NLRP7: variants seen among roughly 807,000 people sequenced by gnomAD.
NLRP7 encodes the protein NLR family pyrin domain containing 7.
NLRP7 carries 72 observed loss-of-function variants against 85.5 expected under a neutral mutation model. That is an observed-to-expected ratio of 0.84 (90% CI 0.70 to 1.02). The LOEUF (loss-of-function observed/expected upper bound fraction) is 1.02. NLRP7 is among the 50% of genes least tolerant of loss of function. The probability of loss-of-function intolerance (pLI) is 0.00; values close to 1 mark genes in which losing one functional copy is unlikely to be tolerated. For synonymous variants in NLRP7, 550 were observed against 505.2 expected, an observed-to-expected ratio of 1.09 and a Z score of -1.19; for missense variants, 1,243 against 1,219.5, an observed-to-expected ratio of 1.02 and a Z score of -0.29.
intron 6 of NLRP7, 55 bp downstream of exon 6, chr19:54,936,206 C>A (rs1429598462): frequency 7.9e-6 from 12 of 1,516,930 alleles, no homozygotes; most frequent in Non-Finnish European, 1.1e-5. Context: ...GATCCCCCAG[C>A]AACACGGTGC....
chr19:54,938,200 A>G, exon 5 of NLRP7: 1 of 1,614,144 alleles, frequency 6.2e-7, no homozygotes, highest in Non-Finnish European at 8.5e-7. Flanking sequence ...AAGAGAGCGA[A>G]GATCCTGCCG....
intron 1 of NLRP7, among the ~76,000 whole-genome samples, chr19:54,954,896 A>G (rs1425290885): frequency 1.3e-5 from 2 of 151,968 alleles, no homozygotes; most frequent in African/African-American, 2.4e-5. Context: ...GCTGCTGTCT[A>G]TGGAGTAGCT....
intron 7 of NLRP7, 145 bp from the exon 8 acceptor site, chr19:54,933,884 A>G: frequency 1.3e-6 from 1 of 741,020 alleles, no homozygotes; most frequent in East Asian, 2.6e-5. Flanking sequence ...CATCATGGCC[A>G]CAAAAGAGCA....
intron 1 of NLRP7, among the ~76,000 whole-genome samples, chr19:54,955,486 T>G (rs2069822285): frequency 2.0e-5 from 3 of 152,088 alleles, no homozygotes; most frequent in Non-Finnish European, 4.4e-5. Flanking sequence ...CTGGACAACA[T>G]GATGAAACCT....
At chr19:54,947,497 CTG>C (rs1338183974) in exon 1 of NLRP7, 14 of 1,289,640 alleles carry the variant, frequency 1.1e-5, no homozygotes, top group African/African-American at 1.5e-5. Context: ...TGCTTCCAGC[CTG>C]TGTTTCCTGC....
At chr19:54,962,691 C>T (rs561326845) in intron 1 of NLRP7, among the ~76,000 whole-genome samples, 90 of 151,776 alleles carry the variant, frequency 5.9e-4, no homozygotes, top group African/African-American at 2.1e-3. Flanking sequence ...GCTCCGCCTC[C>T]CGGGTTCACG....
At chr19:54,946,747 C>G (rs1279790784) in intron 1 of NLRP7, among the ~76,000 whole-genome samples, 2 of 152,144 alleles carry the variant, frequency 1.3e-5, no homozygotes, top group Non-Finnish European at 2.9e-5. Flanking sequence ...TTAAGCTATT[C>G]TCCTGCCTCA....
upstream of NLRP7, among the ~76,000 whole-genome samples, chr19:54,949,719 G>C (rs1195692738): frequency 6.6e-6 from 1 of 152,060 alleles, no homozygotes; most frequent in Non-Finnish European, 1.5e-5. Context: ...TCCAGGGAGG[G>C]GAGAGGGGCT....
At chr19:54,951,615 T>A (rs1054182461), upstream of NLRP7, among the ~76,000 whole-genome samples, 4 of 151,708 alleles carry the variant, frequency 2.6e-5, 1 homozygote, top group African/African-American at 4.8e-5. Context: ...GTAAAAAAAA[T>A]AAAAATGAAA....
In NLRP7 at chr19:54,953,763, G is replaced by T. The variant is rs541364493; in HGVS notation, c.-76-6258C>A. The stretch of plus-strand genomic sequence containing the variant: ...CACACCTGTAATCCCAGCACTTTCG[G>T]GGGCTGAGGCGGGTGGATCACACGG... On this transcript the variant is annotated intron_variant, in intron 1 of 2. Coordinates refer to the NLRP7 transcript ENST00000587103. Among the ~76,000 whole-genome samples the T allele has an allele frequency of 2.6e-5, 4 of 152,020 alleles. No individual in the cohort carries two copies. In the South Asian group the frequency reaches 8.3e-4, roughly 32 times the overall value.
chr19:54,936,936 G>A (rs914306798), intron 5 of NLRP7, among the ~76,000 whole-genome samples: 4 of 151,114 alleles, frequency 2.6e-5, no homozygotes, highest in East Asian at 2.0e-4. Context: ...AAATTCGCCG[G>A]GTGTGGTGGC....
chr19:54,926,817 GA>G (rs2068457965), intron 9 of NLRP7, among the ~76,000 whole-genome samples: 1 of 151,722 alleles, frequency 6.6e-6, no homozygotes, highest in Non-Finnish European at 1.5e-5. Flanking sequence ...TCAGGAGGCT[GA>G]GGCAGGAGAA....
intron 1 of NLRP7, among the ~76,000 whole-genome samples, chr19:54,963,491 C>T (rs1301795241): frequency 6.6e-6 from 1 of 151,678 alleles, no homozygotes; most frequent in Non-Finnish European, 1.5e-5. Flanking sequence ...AGTTTGAGAC[C>T]AGCCTGGCCA....
chr19:54,936,500 C>T, intron 5 of NLRP7, 69 bp from the exon 6 acceptor site: 4 of 1,330,208 alleles, frequency 3.0e-6, no homozygotes, highest in Non-Finnish European at 2.2e-6. Flanking sequence ...CATGTATAAA[C>T]AAAAAGCTGT....
Position 54,934,594 on chromosome 19 carries a change from T to G in NLRP7, c.2366A>C (p.Gln789Pro), listed in dbSNP as rs1388575542. ...TGAGAGACGCAGGTGCTTCAGGGAC[T>G]GGTTGGCTTTGAGGACATAGAAGAA... is the stretch of plus-strand genomic sequence containing the variant. Residue 789 changes from glutamine (Q) to proline (P), a missense_variant, in exon 7 of 10, where the codon CAG (glutamine) becomes CCG (proline). Physicochemically the swap from Gln to Pro is moderately conservative, Grantham distance 76. Coordinates refer to ENST00000340844, the Ensembl canonical transcript of NLRP7. The surrounding 1 kb of genome is among the most constrained non-coding windows in gnomAD (Gnocchi z 6.7). 1.2e-6 allele frequency: 2 copies of G among 1,613,980 alleles called. No homozygotes were observed. Among genetic ancestry groups the G allele is most frequent in the South Asian group, 1.1e-5 (1 of 91,082 alleles).
In NLRP7 at chr19:54,955,952, G is replaced by A. The variant is rs553246447; in HGVS notation, c.-76-8447C>T. On this transcript the variant is annotated intron_variant, in intron 1 of 2. Transcript: ENST00000587103. ...ACTGCACTCCAGCCTGGATGACAGA[G>A]CAAGACTGTGTCTCAAAAATAAATA... is the stretch of plus-strand genomic sequence containing the variant. Among the ~76,000 whole-genome samples the A allele has an allele frequency of 1.7e-4, 26 of 151,920 alleles. No individual in the cohort carries two copies. The South Asian group carries it at 3.9e-3, about 23-fold the overall frequency.
intron 8 of NLRP7, 97 bp downstream of exon 8, chr19:54,933,472 T>C: frequency 6.7e-7 from 1 of 1,482,606 alleles, no homozygotes; most frequent in Non-Finnish European, 9.3e-7. Context: ...TCTTACCAGG[T>C]TTTTAAAAGT....
chr19:54,923,988 G>C (rs2068329770), intron 9 of NLRP7, 116 bp from the exon 11 acceptor site: 8 of 1,146,730 alleles, frequency 7.0e-6, no homozygotes, highest in Admixed American at 1.9e-5. Flanking sequence ...TTTTCTGGGG[G>C]ACAGGGTCTT....
At chr19:54,951,999 G>A (rs997102952), upstream of NLRP7, among the ~76,000 whole-genome samples, 1 of 151,910 alleles carries the variant, frequency 6.6e-6, no homozygotes, top group African/African-American at 2.4e-5. Context: ...TGATCCTCCC[G>A]CCTAGGCCTC....
Sources: allele counts gnomAD v4.1 joint callset (sites outside exome capture counted in the v4.1 genomes callset), GRCh38; gene constraint gnomAD v4.1.1; non-coding constraint Gnocchi (gnomAD v3.1); transcripts MANE v1.5; gene names NCBI Gene and HGNC (gene_info 2026-07-23, HGNC 2026-07-21).